TMEM68: variants seen among roughly 807,000 people sequenced by gnomAD.
TMEM68 encodes the protein DGAT1/2-independent enzyme synthesizing storage lipids.
TMEM68 carries 25 observed loss-of-function variants against 36.9 expected under a neutral mutation model. The observed-to-expected ratio is 0.68, with a 90% CI of 0.49 to 0.95. The LOEUF (loss-of-function observed/expected upper bound fraction) is 0.95. Among genes scored for constraint, TMEM68 ranks in the 40% least tolerant of loss-of-function variants. TMEM68 has a pLI of 0.00. For missense variants in TMEM68, 333 were observed against 392.0 expected (o/e 0.85, Z 1.27); for synonymous variants, 131 against 124.4 (o/e 1.05, Z -0.35).
intron 1 of TMEM68, chr8:55,772,879 C>G (rs536958941): frequency 3.9e-5 from 6 of 152,722 alleles, no homozygotes; most frequent in African/African-American, 1.2e-4. Context: ...CGACCTGGGT[C>G]CCGGAACCAG....
At chr8:55,754,773 ATT>A (rs376314701) in intron 4 of TMEM68, among the ~76,000 whole-genome samples, 11 of 38,264 alleles carry the variant, frequency 2.9e-4, no homozygotes, top group Admixed American at 1.4e-3. Context: ...TACATTATAT[ATT>A]TATATTATAT....
At chr8:55,764,558 T>G (rs181892044) in intron 1 of TMEM68, among the ~76,000 whole-genome samples, 1 of 152,142 alleles carries the variant, frequency 6.6e-6, no homozygotes, top group South Asian at 2.1e-4. Flanking sequence ...AAGAAAAATG[T>G]ATTGTTTTTA....
intron 4 of TMEM68, among the ~76,000 whole-genome samples, chr8:55,752,229 C>A (rs1215858214): frequency 6.6e-6 from 1 of 151,136 alleles, no homozygotes; most frequent in African/African-American, 2.4e-5. Flanking sequence ...ACAAAAAACA[C>A]TATGCAGACC....
rs191125748 is a variant in TMEM68 at position 55,740,077 on chromosome 8, G to A, written c.*55C>T. 7.0e-7 allele frequency: 1 copy of A among 1,419,464 alleles called. No homozygotes were observed. The highest frequency in any genetic ancestry group is 9.8e-7 in the Non-Finnish European group (1 of 1,018,426). 87.9% of individuals were successfully genotyped at this position (1,419,464 alleles called of 1,614,324 possible). Reference sequence around the variant, plus strand: ...ACAAAATTCAGAAGACAGTACCTTAGATACAAACATTTAATATAAATGTAC... The same window carrying A: ...ACAAAATTCAGAAGACAGTACCTTAAATACAAACATTTAATATAAATGTAC... On this transcript the variant is annotated 3_prime_UTR_variant, in exon 8 of 8. Transcript: ENST00000434581.
intron 4 of TMEM68, among the ~76,000 whole-genome samples, chr8:55,753,849 T>C (rs1810489687): frequency 6.6e-6 from 1 of 152,206 alleles, no homozygotes; most frequent in Non-Finnish European, 1.5e-5. Context: ...CTCAGTACTT[T>C]GGGAGGCCAA....
chr8:55,759,696 T>C (rs926681655), intron 3 of TMEM68, among the ~76,000 whole-genome samples: 2 of 152,240 alleles, frequency 1.3e-5, no homozygotes, highest in African/African-American at 2.4e-5. Context: ...GATATCATAA[T>C]GCTGTAAACT....
intron 1 of TMEM68, among the ~76,000 whole-genome samples, chr8:55,767,781 T>C (rs1348400612): frequency 6.6e-6 from 1 of 151,946 alleles, no homozygotes; most frequent in Non-Finnish European, 1.5e-5. Context: ...CTACCAAAAA[T>C]ACAAAATTAG....
intron 5 of TMEM68, chr8:55,746,126 G>T (rs1403515217): frequency 3.6e-5 from 1 of 27,644 alleles, no homozygotes; most frequent in African/African-American, 1.0e-4. Context: ...ACCAGCCTGG[G>T]CAACATGGCA....
intron 2 of TMEM68, 36 bp downstream of exon 2, chr8:55,763,900 T>C (rs1052330282): frequency 3.9e-5 from 6 of 152,268 alleles, no homozygotes; most frequent in Non-Finnish European, 5.9e-5. Flanking sequence ...ATAATTATTT[T>C]ACAAATTCAC....
chr8:55,764,935 G>A (rs1438958697), intron 1 of TMEM68, among the ~76,000 whole-genome samples: 1 of 152,168 alleles, frequency 6.6e-6, no homozygotes, highest in Non-Finnish European at 1.5e-5. Flanking sequence ...AGCTGGGAGT[G>A]GTGGTGCACG....
Position 55,750,961 on chromosome 8 carries a change from C to A in TMEM68, c.687+3G>T. 6.3e-7 allele frequency: 1 copy of A among 1,599,314 alleles called. No individual in the cohort carries two copies. Among genetic ancestry groups the A allele is most frequent in the South Asian group, 1.1e-5 (1 of 87,894 alleles). The stretch of plus-strand genomic sequence containing the variant: ...CTTCAATAATTAATTTTATATAACT[C>A]ACCACTTTTGCATCAATTGCAACCT... On this transcript the variant is annotated splice_donor_region_variant and intron_variant, in intron 5 of 7. Transcript: ENST00000434581.
In TMEM68 at chr8:55,756,391, C is replaced by T; in HGVS notation, c.346G>A (p.Glu116Lys). 6.3e-7 allele frequency: 1 copy of T among 1,581,936 alleles called. No homozygotes were observed. ...VWHGYEVHGM[E>K]KIPEDGPALI... ...GCTGGTCCATCTTCTGGTATTTTTTCCATTCCATGAACTTCATAACCTGTT... is the reference window on the plus strand; with the variant it reads ...GCTGGTCCATCTTCTGGTATTTTTTTCATTCCATGAACTTCATAACCTGTT... The change falls in exon 4 of 8, where the codon GAA becomes AAA. Residue 116 changes from glutamate to lysine, a missense_variant. Glu to Lys is a moderately conservative substitution (Grantham distance 56). Coordinates refer to ENST00000434581, the MANE Select transcript of TMEM68 (RefSeq NM_001286657.2).
At chr8:55,771,832 T>C (rs1811181013) in intron 1 of TMEM68, among the ~76,000 whole-genome samples, 1 of 152,198 alleles carries the variant, frequency 6.6e-6, no homozygotes. Context: ...TGAATAGGAC[T>C]TCTACTTCAA....
At chr8:55,752,768 A>G (rs947459077) in intron 4 of TMEM68, among the ~76,000 whole-genome samples, 7 of 133,204 alleles carry the variant, frequency 5.3e-5, no homozygotes, top group Middle Eastern at 4.2e-3. Flanking sequence ...TCTGTCACCC[A>G]GGCTGGAATG....
intron 3 of TMEM68, 86 bp downstream of exon 3, chr8:55,762,549 T>G (rs1810828300): frequency 6.3e-7 from 1 of 1,588,142 alleles, no homozygotes; most frequent in Non-Finnish European, 8.6e-7. Flanking sequence ...TTTCAGTATC[T>G]TCTCAATCAA....
intron 1 of TMEM68, among the ~76,000 whole-genome samples, chr8:55,769,944 T>C (rs16922208): frequency 0.061 from 9,281 of 152,210 alleles, 331 homozygotes; most frequent in African/African-American, 0.097. Context: ...CATCTAAATC[T>C]TTAACAGAAA....
chr8:55,756,276 A>G lies in TMEM68; in HGVS notation c.461T>C (p.Val154Ala), dbSNP rs1258033731. 1 of 1,604,426 alleles carries G rather than the reference A, an allele frequency of 6.2e-7. No individual in the cohort carries two copies. Among genetic ancestry groups the G allele is most frequent in the Non-Finnish European group, 8.5e-7 (1 of 1,177,652 alleles). The part of the protein sequence containing the change: ...IFIHKGRTCR[V>A]VADHFVFKIP... ...TTTAAAGACAAAGTGATCAGCTACT[A>G]CTCGGCAAGTTCTGCCTTTGTGTAT... is the stretch of plus-strand genomic sequence containing the variant. The change falls in exon 4 of 8, where the codon GTA becomes GCA. Residue 154 changes from valine (V) to alanine (A), a missense_variant. Physicochemically the swap from Val to Ala is moderately conservative, Grantham distance 64 (BLOSUM62 0). Coordinates refer to ENST00000434581, the MANE Select transcript of TMEM68 (RefSeq NM_001286657.2).
intron 1 of TMEM68, 127 bp from the exon 2 acceptor site, chr8:55,764,107 T>A (rs1810891446): frequency 6.6e-6 from 1 of 152,212 alleles, no homozygotes; most frequent in Admixed American, 6.5e-5. Context: ...TTAAGAAATA[T>A]GATTATAGGC....
intron 4 of TMEM68, among the ~76,000 whole-genome samples, chr8:55,754,218 G>T (rs1810503119): frequency 6.6e-6 from 1 of 150,464 alleles, no homozygotes; most frequent in African/African-American, 2.4e-5. Context: ...CTGAGGTCAG[G>T]AGTTCAAGAC....
Sources: allele counts gnomAD v4.1 joint callset (sites outside exome capture counted in the v4.1 genomes callset), GRCh38; gene constraint gnomAD v4.1.1; transcripts MANE v1.5; gene names NCBI Gene and HGNC (gene_info 2026-07-23, HGNC 2026-07-21).